Variants in TRAF2 observed in about 807,000 individuals in gnomAD.
The protein encoded by TRAF2 is TNF receptor-associated factor 2.
TRAF2 carries 6 observed loss-of-function variants against 55.6 expected under a neutral mutation model. The ratio of observed to expected loss-of-function variants is 0.11; its 90% CI spans 0.06 to 0.21. The LOEUF (loss-of-function observed/expected upper bound fraction) is 0.21. Among genes scored for constraint, TRAF2 ranks in the 10% least tolerant of loss-of-function variants. The pLI is 1.00. For missense variants in TRAF2, 561 were observed against 684.5 expected (o/e 0.82, Z 2.01); for synonymous variants, 329 against 276.3 (o/e 1.19, Z -1.89).
At chr9:136,916,397 G>C in intron 6 of TRAF2, 144 bp from the exon 7 acceptor site, 2 of 739,900 alleles carry the variant, frequency 2.7e-6, no homozygotes, top group South Asian at 3.0e-5. Context: ...TTGGAAATGG[G>C]CTGTTGGGTT....
chr9:136,898,501 T>C (rs1469195389), intron 1 of TRAF2: 1 of 866,548 alleles, frequency 1.2e-6, no homozygotes, highest in Admixed American at 6.2e-5. Flanking sequence ...CCAGCCTCAC[T>C]GAGCCTGAGT....
chr9:136,882,891 GAC>G (rs1047511835), upstream of TRAF2: 4 of 338,904 alleles, frequency 1.2e-5, no homozygotes, highest in East Asian at 5.0e-4. Context: ...AATATTATTA[GAC>G]AGAGTCTTGC....
chr9:136,904,314 C>T (rs1849894827), intron 4 of TRAF2, among the ~76,000 whole-genome samples: 1 of 152,214 alleles, frequency 6.6e-6, no homozygotes, highest in African/African-American at 2.4e-5. Context: ...AGTGATCCTC[C>T]CACCTTGGTC....
upstream of TRAF2, among the ~76,000 whole-genome samples, chr9:136,882,415 G>A (rs961135395): frequency 1.3e-5 from 2 of 152,244 alleles, no homozygotes; most frequent in African/African-American, 4.8e-5. Context: ...ATCCACGGCA[G>A]CATCTGCTGT....
chr9:136,910,025 C>T (rs1248799493), intron 6 of TRAF2, 31 bp downstream of exon 6: 1 of 1,604,058 alleles, frequency 6.2e-7, no homozygotes, highest in African/African-American at 1.3e-5. Context: ...TGGAGGACCG[C>T]AGGGCGGGGC....
intron 5 of TRAF2, among the ~76,000 whole-genome samples, chr9:136,908,445 G>A (rs2131307713): frequency 6.6e-6 from 1 of 152,358 alleles, no homozygotes; most frequent in East Asian, 1.9e-4. Context: ...TTTGTAAGCC[G>A]GGCACGGCGG....
At chr9:136,883,061 G>A (rs780417123), upstream of TRAF2, among the ~76,000 whole-genome samples, 2 of 152,122 alleles carry the variant, frequency 1.3e-5, no homozygotes, top group Admixed American at 1.3e-4. Context: ...GTAGAGACGG[G>A]GTTTCACCAC....
chr9:136,911,177 C>CG (rs1036821985), intron 6 of TRAF2, among the ~76,000 whole-genome samples: 27 of 152,180 alleles, frequency 1.8e-4, no homozygotes, highest in African/African-American at 5.5e-4. Context: ...GCCCACGCAG[C>CG]GCGGTGGTGT....
At chr9:136,908,810 C>T (rs1056459387) in intron 5 of TRAF2, among the ~76,000 whole-genome samples, 2 of 144,838 alleles carry the variant, frequency 1.4e-5, no homozygotes, top group Non-Finnish European at 3.0e-5. Context: ...GCGGAGCTTG[C>T]AGTGAGCCGA....
At chr9:136,884,375 C>T (rs1056056810), upstream of TRAF2, among the ~76,000 whole-genome samples, 6 of 151,782 alleles carry the variant, frequency 4.0e-5, no homozygotes, top group Non-Finnish European at 7.4e-5. Flanking sequence ...CTGAGCAACA[C>T]GGTGAAACCC....
chr9:136,923,381 C>T (rs1027329807), intron 9 of TRAF2, among the ~76,000 whole-genome samples: 13 of 152,102 alleles, frequency 8.5e-5, no homozygotes, highest in African/African-American at 2.9e-4. Context: ...GAGGCCAACA[C>T]GTGTGGATCG....
chr9:136,886,368 G>A (rs1849446860), upstream of TRAF2: 2 of 983,380 alleles, frequency 2.0e-6, no homozygotes, highest in Admixed American at 6.1e-5. Flanking sequence ...TCCGTCAGGC[G>A]CGCTCGGAGC....
In TRAF2 at chr9:136,899,668, G is replaced by T. The variant is rs767272172; in HGVS notation, c.263G>T (p.Ser88Ile). Residue 88 changes from serine (S) to isoleucine (I), a missense_variant, in exon 3 of 11, where the codon AGT becomes ATT. Physicochemically the swap from Ser to Ile is moderately radical, Grantham distance 142. This residue lies in a region of TRAF2 where 426 missense variants were observed against 476.8 expected (regional missense o/e 0.89). Coordinates refer to ENST00000247668, the MANE Select transcript of TRAF2 (RefSeq NM_021138.4). ...GAAGGCATTTCTATTTTAGAAAGCA[G>T]TTCGGTAAGTAAAATGTCTTGAAGC... is the stretch of plus-strand genomic sequence containing the variant. ...YEEGISILES[S>I]SAFPDNAARR... The T allele has an allele frequency of 4.3e-6, 7 of 1,611,974 alleles. No individual in the cohort carries two copies. The East Asian group carries it at 1.3e-4, about 31-fold the overall frequency.
At chr9:136,882,103 A>C (rs1381599416), upstream of TRAF2, 3 of 945,722 alleles carry the variant, frequency 3.2e-6, no homozygotes, top group African/African-American at 5.3e-5. Flanking sequence ...TGGGGGGCCC[A>C]GCTTGGACAT....
chr9:136,925,622 C>G, intron 10 of TRAF2, 61 bp from the exon 11 acceptor site: 1 of 1,560,650 alleles, frequency 6.4e-7, no homozygotes, highest in Non-Finnish European at 8.8e-7. Context: ...TCCAGACCCT[C>G]GGGAGCCAGA....
intron 4 of TRAF2, among the ~76,000 whole-genome samples, chr9:136,907,356 C>T (rs981282879): frequency 1.3e-5 from 2 of 152,268 alleles, no homozygotes; most frequent in Non-Finnish European, 2.9e-5. Context: ...GAGGGCAGGG[C>T]CTCTGCCCAG....
At chr9:136,899,025 C>T (rs1849752959) in intron 2 of TRAF2, 97 bp downstream of exon 2, 3 of 1,276,714 alleles carry the variant, frequency 2.3e-6, no homozygotes, top group Non-Finnish European at 2.2e-6. Context: ...GAGCCGGGTC[C>T]AGCTTAGATG....
At chr9:136,914,314 A>AC (rs1850190074) in intron 6 of TRAF2, among the ~76,000 whole-genome samples, 1 of 151,282 alleles carries the variant, frequency 6.6e-6, no homozygotes, top group South Asian at 2.1e-4. Flanking sequence ...GGGCGATCGC[A>AC]CCCCCCATTC....
At chr9:136,886,501 G>C (rs1193869802), upstream of TRAF2, 4 of 1,001,014 alleles carry the variant, frequency 4.0e-6, no homozygotes, top group African/African-American at 1.7e-5. Context: ...GGGGGCGGTA[G>C]CTGGGCGGGC....
Sources: allele counts gnomAD v4.1 joint callset (sites outside exome capture counted in the v4.1 genomes callset), GRCh38; gene constraint gnomAD v4.1.1; regional missense constraint gnomAD v4.1.1; transcripts MANE v1.5; gene names NCBI Gene and HGNC (gene_info 2026-07-23, HGNC 2026-07-21).